Variants in BAZ2B observed in about 807,000 individuals in gnomAD.
BAZ2B encodes the protein bromodomain adjacent to zinc finger domain protein 2B.
Under a neutral mutation model 246.0 loss-of-function variants are expected in BAZ2B, and 91 were observed. The ratio of observed to expected loss-of-function variants is 0.37; its 90% CI spans 0.31 to 0.44. The LOEUF (loss-of-function observed/expected upper bound fraction) is 0.44, where lower values mean the gene tolerates loss of function less well. Among genes scored for constraint, BAZ2B ranks in the 20% least tolerant of loss-of-function variants. The probability of loss-of-function intolerance (pLI) is 1.00; values close to 1 mark genes in which losing one functional copy is unlikely to be tolerated. For missense variants in BAZ2B, 2,332 were observed against 2,533.7 expected (o/e 0.92, Z 1.71); for synonymous variants, 855 against 860.0 (o/e 0.99, Z 0.10).
intron 27 of BAZ2B, among the ~76,000 whole-genome samples, chr2:159,363,442 T>G (rs999593752): frequency 2.6e-5 from 4 of 152,186 alleles, no homozygotes; most frequent in African/African-American, 9.7e-5. Flanking sequence ...TCCTCCTAAG[T>G]GGACAACTGC....
At chr2:159,365,308 A>G (rs2060109271) in intron 27 of BAZ2B, among the ~76,000 whole-genome samples, 1 of 152,170 alleles carries the variant, frequency 6.6e-6, no homozygotes, top group South Asian at 2.1e-4. Context: ...AATGACTTCT[A>G]TAAGATTGTC....
At position 159,574,134 on chromosome 2, in the gene BAZ2B, C is replaced by CACAT. The variant is rs1470152004; in HGVS notation, c.-45-18270_-45-18269insATGT. Among the ~76,000 whole-genome samples, 158 of 97,980 alleles carry CACAT rather than the reference C, an allele frequency of 1.6e-3. 1 individual carries two copies. The highest frequency in any genetic ancestry group is 4.4e-3 in the Middle Eastern group (1 of 226). 64.3% of individuals were successfully genotyped at this position (97,980 alleles called of 152,430 possible). A position where few individuals can be genotyped will look rare whatever the true frequency, so the allele number is the denominator to read the frequency against. On this transcript the variant is annotated intron_variant, in intron 1 of 36. Transcript: ENST00000392783. ...AGAGACTGACAGACACACACACACA[C>CACAT]ACACACATACACACACACACACACA...
chr2:159,604,922 TTAATA>T (rs1398766155), intron 1 of BAZ2B, among the ~76,000 whole-genome samples: 3 of 133,854 alleles, frequency 2.2e-5, no homozygotes, highest in South Asian at 5.4e-4. Context: ...AACTGAAAAG[TTAATA>T]TATTTTGTGT....
At chr2:159,669,263 C>G in the BAZ2B span, among the ~76,000 whole-genome samples, 45,175 of 151,988 alleles carry the variant, frequency 0.3, 7,675 homozygotes, top group South Asian at 0.46. Context: ...ATTTTCCTAT[C>G]TTACTGTCAT....
At chr2:159,691,280 G>A in the BAZ2B span, among the ~76,000 whole-genome samples, 54,977 of 151,824 alleles carry the variant, frequency 0.36, 10,143 homozygotes, top group South Asian at 0.46. Context: ...TGGGGGCAGC[G>A]GTGCTGACTC....
chr2:159,462,499 A>G (rs900483003), intron 3 of BAZ2B: 2 of 1,002,150 alleles, frequency 2.0e-6, no homozygotes, highest in Non-Finnish European at 3.2e-6. Flanking sequence ...TGAATGTGGT[A>G]TCTGACATTG....
intron 27 of BAZ2B, among the ~76,000 whole-genome samples, chr2:159,358,172 T>C (rs899915511): frequency 3.9e-5 from 6 of 152,110 alleles, no homozygotes; most frequent in South Asian, 2.1e-4. Flanking sequence ...GACTGGCAAA[T>C]TGGATAAAGA....
intron 20 of BAZ2B, among the ~76,000 whole-genome samples, chr2:159,393,904 A>T (rs1306002006): frequency 1.3e-5 from 2 of 152,172 alleles, no homozygotes; most frequent in East Asian, 3.9e-4. Flanking sequence ...TAGTGGGCAA[A>T]TATGAAAAAC....
chr2:159,530,633 TAA>T, intron 2 of BAZ2B, among the ~76,000 whole-genome samples: 1 of 152,252 alleles, frequency 6.6e-6, no homozygotes, highest in Admixed American at 6.5e-5. Context: ...AATCCAGATA[TAA>T]ACTCTCCATT....
At chr2:159,637,584 G>C in the BAZ2B span, among the ~76,000 whole-genome samples, 1 of 151,780 alleles carries the variant, frequency 6.6e-6, no homozygotes, top group Admixed American at 6.6e-5. Context: ...TATTTTTTTC[G>C]AGACCCTCTG....
the BAZ2B span, among the ~76,000 whole-genome samples, chr2:159,622,289 A>AAAGGC: frequency 0.033 from 3,851 of 115,404 alleles, 199 homozygotes; most frequent in Non-Finnish European, 0.051. Context: ...AAAAAGGCAA[A>AAAGGC]AACCAAAGTG....
At chr2:159,537,311 A>G (rs546890424) in intron 2 of BAZ2B, among the ~76,000 whole-genome samples, 1 of 152,350 alleles carries the variant, frequency 6.6e-6, no homozygotes, top group East Asian at 1.9e-4. Context: ...GTTTTGAAAG[A>G]TGAAAAGAAT....
intron 2 of BAZ2B, among the ~76,000 whole-genome samples, chr2:159,500,200 T>G (rs1384300977): frequency 6.6e-6 from 1 of 152,184 alleles, no homozygotes; most frequent in East Asian, 1.9e-4. Context: ...TTGTATATGG[T>G]GTAAGAAGTG....
chr2:159,706,777 C>T, the BAZ2B span, among the ~76,000 whole-genome samples: 142,340 of 152,320 alleles, frequency 0.93, 66,633 homozygotes, highest in African/African-American at 0.97. Context: ...TTGGCAAGGC[C>T]AGAGTACCCA....
In BAZ2B at chr2:159,438,285, A is replaced by G. The variant is rs1167651467; in HGVS notation, c.1293+18T>C. 21 of 1,593,380 alleles carry G rather than the reference A, an allele frequency of 1.3e-5. No individual in the cohort carries two copies. The highest frequency in any genetic ancestry group is 1.7e-5 in the Non-Finnish European group (20 of 1,170,176). On this transcript the variant is annotated intron_variant, in intron 8 of 36. Transcript: ENST00000392783. ...TTCTCTAATAGTAAAATTCTTGTAT[A>G]AATAATTTGTAACTCACCCGTTTGG...
chr2:159,428,552 C>T, intron 11 of BAZ2B, 133 bp from the exon 12 acceptor site: 1 of 523,984 alleles, frequency 1.9e-6, no homozygotes, highest in Non-Finnish European at 3.3e-6. Flanking sequence ...CCTCAAACAA[C>T]CCAAATACAT....
chr2:159,534,108 A>G (rs565956582), intron 2 of BAZ2B, among the ~76,000 whole-genome samples: 25 of 152,124 alleles, frequency 1.6e-4, no homozygotes, highest in African/African-American at 4.8e-4. Context: ...ATCTATTCCT[A>G]TGTTATGATT....
chr2:159,493,393 ACTTAGTGAGGAAG>A (rs1376156960), intron 2 of BAZ2B, among the ~76,000 whole-genome samples: 4 of 152,162 alleles, frequency 2.6e-5, no homozygotes, highest in African/African-American at 9.6e-5. Flanking sequence ...AAATCCTCTC[ACTTAGTGAGGAAG>A]CCTGTTTCAT....
At chr2:159,564,836 T>C (rs1276234458) in intron 1 of BAZ2B, among the ~76,000 whole-genome samples, 1 of 152,140 alleles carries the variant, frequency 6.6e-6, no homozygotes, top group Non-Finnish European at 1.5e-5. Flanking sequence ...GAAAACAACA[T>C]GAGGACTGAG....
Sources: gnomAD v4.1 joint callset for allele counts (sites outside exome capture counted in the v4.1 genomes callset) on GRCh38, gnomAD v4.1.1 for gene constraint, MANE v1.5 for transcripts, NCBI Gene and HGNC (gene_info 2026-07-23, HGNC 2026-07-21) for gene names.